The following MRE11 variants were observed in gnomAD, a reference collection of about 807,000 sequenced individuals.
MRE11 encodes double-strand break repair protein MRE11.
Under a neutral mutation model 91.7 loss-of-function variants are expected in MRE11, and 62 were observed. The observed-to-expected ratio is 0.68, with a 90% CI of 0.55 to 0.84. The LOEUF (loss-of-function observed/expected upper bound fraction) is 0.84, where lower values mean the gene tolerates loss of function less well. MRE11 is among the 40% of genes least tolerant of loss of function. The pLI, the probability that MRE11 is intolerant of heterozygous loss-of-function variation, is 0.00. For missense variants in MRE11, 796 were observed against 852.9 expected (o/e 0.93, Z 0.83); for synonymous variants, 273 against 271.4 (o/e 1.01, Z -0.06).
intron 3 of MRE11, among the ~76,000 whole-genome samples, chr11:94,487,188 A>G (rs576047575): frequency 1.3e-5 from 2 of 152,338 alleles, no homozygotes; most frequent in Admixed American, 6.5e-5. Flanking sequence ...TTGGTTGCAC[A>G]GCAATATGAA....
chr11:94,430,046 T>G, intron 18 of MRE11, 60 bp from the exon 19 acceptor site: 1 of 1,558,020 alleles, frequency 6.4e-7, no homozygotes, highest in Non-Finnish European at 8.8e-7. Flanking sequence ...CAAGTGTGCC[T>G]TTCTGGCTAA....
intron 18 of MRE11, among the ~76,000 whole-genome samples, chr11:94,432,492 G>C (rs149410423): frequency 1.9e-4 from 29 of 152,272 alleles, no homozygotes; most frequent in Admixed American, 6.5e-4. Context: ...GCTGTCCAGA[G>C]GTAAATGTAA....
chr11:94,483,854 TTAAATAAATAAATAAA>T (rs373737175), intron 4 of MRE11: 6 of 151,670 alleles, frequency 4.0e-5, no homozygotes, highest in Non-Finnish European at 8.8e-5. Context: ...AAAGCAAAAA[TTAAATAAATAAATAAA>T]TAAATAAATA....
chr11:94,464,018 A>G (rs1946491031), intron 11 of MRE11, 95 bp downstream of exon 11: 5 of 1,366,376 alleles, frequency 3.7e-6, no homozygotes, highest in East Asian at 4.7e-5. Context: ...AATCATATTA[A>G]AACATCTTCC....
rs1945162719 is a variant in MRE11 at position 94,421,198 on chromosome 11, A to G, written c.2071-1017T>C. Among the ~76,000 whole-genome samples, 9 of 152,324 alleles carry G rather than the reference A, an allele frequency of 5.9e-5. No homozygotes were observed. In the South Asian group the frequency reaches 1.9e-3, roughly 32 times the overall value. ...ATGAAGATAAAACCAATTCTTACGT[A>G]TTCTATAAATATTCAGAAAATAAAG... On this transcript the variant is annotated intron_variant, in intron 19 of 19. Coordinates refer to ENST00000323929, the MANE Select transcript of MRE11 (RefSeq NM_005591.4).
chr11:94,423,561 T>C (rs928171877), intron 19 of MRE11, among the ~76,000 whole-genome samples: 5 of 152,208 alleles, frequency 3.3e-5, no homozygotes, highest in Admixed American at 2.6e-4. Context: ...AGCTTCCCTG[T>C]GGGACAGAGG....
chr11:94,450,526 T>C (rs1163606863), intron 14 of MRE11, among the ~76,000 whole-genome samples: 1 of 152,158 alleles, frequency 6.6e-6, no homozygotes, highest in Non-Finnish European at 1.5e-5. Context: ...ACATTTTTGA[T>C]AGGAGAAATA....
intron 16 of MRE11, among the ~76,000 whole-genome samples, chr11:94,440,605 G>C (rs1433391239): frequency 6.6e-6 from 1 of 152,258 alleles, no homozygotes; most frequent in East Asian, 1.9e-4. Flanking sequence ...AAGAAAAATA[G>C]AGAGGGCTAC....
At chr11:94,496,813 T>C, upstream of MRE11, 1 of 1,614,022 alleles carries the variant, frequency 6.2e-7, no homozygotes, top group South Asian at 1.1e-5. Context: ...TTCCTACTGG[T>C]ACTCAAAGTC....
At chr11:94,492,744 C>G (rs768039678) in intron 2 of MRE11, 38 bp downstream of exon 2, 2 of 1,613,182 alleles carry the variant, frequency 1.2e-6, no homozygotes, top group African/African-American at 2.7e-5. Flanking sequence ...GCTTTAGAAA[C>G]CCCAAATAAC....
At chr11:94,435,781 A>G in intron 18 of MRE11, 51 bp downstream of exon 18, 1 of 1,483,284 alleles carries the variant, frequency 6.7e-7, no homozygotes, top group Non-Finnish European at 9.4e-7. Flanking sequence ...AATTCTGGAT[A>G]ATTTTTAATT....
intron 19 of MRE11, among the ~76,000 whole-genome samples, chr11:94,426,783 A>C (rs551696832): frequency 6.6e-6 from 1 of 152,202 alleles, no homozygotes; most frequent in African/African-American, 2.4e-5. Context: ...ATAACTATTC[A>C]CACACATTAG....
chr11:94,492,358 A>G (rs1262041681), intron 2 of MRE11, among the ~76,000 whole-genome samples: 1 of 152,168 alleles, frequency 6.6e-6, no homozygotes, highest in African/African-American at 2.4e-5. Flanking sequence ...CAAAGTGCAC[A>G]TAACTTTTAC....
At position 94,471,049 on chromosome 11, in the gene MRE11, T is replaced by TTC. The variant is rs576976777; in HGVS notation, c.846-409_846-408dup. On this transcript the variant is annotated intron_variant, in intron 8 of 19. Coordinates refer to ENST00000323929, the MANE Select transcript of MRE11 (RefSeq NM_005591.4). Reference sequence around the variant, plus strand: ...AAGAAAAAAAACCAACCAACATAGATTCTACTACCATATTCTTTAACCCTA... The same window carrying TTC: ...AAGAAAAAAAACCAACCAACATAGATTCTCTACTACCATATTCTTTAACCCTA... Among the ~76,000 whole-genome samples, 12 of 152,174 alleles carry TTC rather than the reference T, an allele frequency of 7.9e-5. No individual in the cohort carries two copies. In the East Asian group the frequency reaches 2.3e-3, roughly 29 times the overall value.
In MRE11 at chr11:94,445,723, G is replaced by A. The variant is rs1475409385; in HGVS notation, c.1867+87C>T. 3.9e-5 allele frequency: 38 copies of A among 980,020 alleles called. No homozygotes were observed. In the Admixed American group the frequency reaches 6.2e-4, roughly 16 times the overall value. The allele number at this position is 980,020 out of a possible 1,614,324, so 60.7% of individuals were successfully genotyped here. On this transcript the variant is annotated intron_variant, in intron 16 of 19. Transcript: ENST00000323929. ...TTGCCCTTATAACTTCCCAATGATTGCAACACAAATAAGGGCTACCAATGG... is the reference window on the plus strand; with the variant it reads ...TTGCCCTTATAACTTCCCAATGATTACAACACAAATAAGGGCTACCAATGG...
intron 4 of MRE11, chr11:94,483,941 A>G (rs1053417475): frequency 6.6e-6 from 1 of 152,220 alleles, no homozygotes; most frequent in Non-Finnish European, 1.5e-5. Context: ...AGCTCTGTCC[A>G]GTGAGAGCCT....
chr11:94,451,573 G>C (rs1311128263), intron 14 of MRE11, among the ~76,000 whole-genome samples: 2 of 152,010 alleles, frequency 1.3e-5, no homozygotes, highest in Admixed American at 6.5e-5. Flanking sequence ...AGCAAATAGA[G>C]ACTCCAGAAG....
At chr11:94,473,897 C>A (rs1483555212) in intron 7 of MRE11, among the ~76,000 whole-genome samples, 3 of 151,952 alleles carry the variant, frequency 2.0e-5, no homozygotes, top group Non-Finnish European at 1.5e-5. Context: ...ATAATATGAT[C>A]CAGGCTTCTG....
In MRE11 at chr11:94,429,991, G is replaced by A; in HGVS notation, c.1995-5C>T. ...CTGGATGATGTGCTGGACCACCTGAGGCAAAACAAAAACAAAAACAAACAC... is the reference window on the plus strand; with the variant it reads ...CTGGATGATGTGCTGGACCACCTGAAGCAAAACAAAAACAAAAACAAACAC... On this transcript the variant is annotated splice_polypyrimidine_tract_variant and splice_region_variant and intron_variant, in intron 18 of 19. Transcript: ENST00000323929. 1 of 1,613,878 alleles carries A rather than the reference G, an allele frequency of 6.2e-7. No homozygotes were observed. Among genetic ancestry groups the A allele is most frequent in the South Asian group, 1.1e-5 (1 of 91,060 alleles).
Sources: allele counts gnomAD v4.1 joint callset (sites outside exome capture counted in the v4.1 genomes callset), GRCh38; gene constraint gnomAD v4.1.1; transcripts MANE v1.5; gene names NCBI Gene and HGNC (gene_info 2026-07-23, HGNC 2026-07-21).